The following CEP250 variants were observed in gnomAD, a reference collection of about 807,000 sequenced individuals.
CEP250 encodes the protein centrosomal protein 250, also known as centrosome-associated protein CEP250.
Under a neutral mutation model 315.7 loss-of-function variants are expected in CEP250, and 242 were observed. That is an observed-to-expected ratio of 0.77 (90% CI 0.69 to 0.85). The LOEUF (loss-of-function observed/expected upper bound fraction) is 0.85, where lower values mean the gene tolerates loss of function less well. Among genes scored for constraint, CEP250 ranks in the 40% least tolerant of loss-of-function variants. The probability of loss-of-function intolerance (pLI) is 0.00; values close to 1 mark genes in which losing one functional copy is unlikely to be tolerated. For synonymous variants in CEP250, 1,088 were observed against 1,175.0 expected (o/e 0.93, Z 1.51); for missense variants, 2,515 against 2,886.4 (o/e 0.87, Z 2.95).
chr20:35,491,467 G>T, intron 22 of CEP250, 121 bp downstream of exon 22: 1 of 1,076,798 alleles, frequency 9.3e-7, no homozygotes, highest in South Asian at 1.5e-5. Flanking sequence ...CATATGACAA[G>T]TACATAAAGG....
At chr20:35,475,706 AG>A in intron 15 of CEP250, 60 bp downstream of exon 15, 1 of 1,565,774 alleles carries the variant, frequency 6.4e-7, no homozygotes, top group Non-Finnish European at 8.7e-7. Flanking sequence ...GTTCCCATGC[AG>A]CCTGCCTCAT....
At position 35,463,493 on chromosome 20, in the gene CEP250, GCCTAAGAT is replaced by G; in HGVS notation, c.187-78_187-71del. On this transcript the variant is annotated intron_variant, in intron 4 of 34. Transcript: ENST00000397527. ...CATTTCCCCTGTTCATAGCAAGTTT[GCCTAAGAT>G]CCTCAGGGGCCTTTGCTTTGGGCTG... 4.0e-6 allele frequency: 5 copies of G among 1,243,366 alleles called. No individual in the cohort carries two copies. The South Asian group carries it at 7.7e-5, about 19-fold the overall frequency. The allele number at this position is 1,243,366 out of a possible 1,614,324, so 77.0% of individuals were successfully genotyped here.
Position 35,497,836 on chromosome 20 carries a change from T to G in CEP250, c.3424T>G (p.Leu1142Val). 6.3e-7 allele frequency: 1 copy of G among 1,579,210 alleles called. No homozygotes were observed. Among genetic ancestry groups the G allele is most frequent in the Non-Finnish European group, 8.6e-7 (1 of 1,162,378 alleles). The stretch of plus-strand genomic sequence containing the variant: ...CACGGAGCAGCAGCTGCGAGCCTCC[T>G]TGTGGGCCCAGGAAGCCAAGGCAGC... ...HITEQQLRASLWAQEAKAAQL... is the reference protein window; with the variant it reads ...HITEQQLRASVWAQEAKAAQL... The change falls in exon 26 of 35, where the codon TTG (leucine) becomes GTG (valine). Residue 1142 changes from leucine to valine, a missense_variant. Transcript: ENST00000397527.
In CEP250 at chr20:35,456,909, G is replaced by A. The variant is rs1275055610; in HGVS notation, c.-298+1158G>A. On this transcript the variant is annotated intron_variant, in intron 1 of 34. Transcript: ENST00000397527. ...CGATTCTCCCGCCTCAGCCTCCTGA[G>A]TAGCTGGGATTACAGGCGCCCGCCA... Among the ~76,000 whole-genome samples the A allele has an allele frequency of 2.6e-5, 4 of 151,756 alleles. 1 individual carries two copies. Among genetic ancestry groups the A allele is most frequent in the Admixed American group, 2.6e-4 (4 of 15,228 alleles).
chr20:35,480,686 G>A (rs569423422), intron 20 of CEP250, among the ~76,000 whole-genome samples: 58 of 149,660 alleles, frequency 3.9e-4, no homozygotes, highest in African/African-American at 1.4e-3. Flanking sequence ...TCCGCCTCCT[G>A]GGTTCAAGCG....
At chr20:35,468,023 C>T (rs1307739855) in intron 9 of CEP250, among the ~76,000 whole-genome samples, 2 of 148,650 alleles carry the variant, frequency 1.3e-5, no homozygotes, top group Non-Finnish European at 3.0e-5. Context: ...TTGCCTACTG[C>T]AACCTCTGCC....
rs1278374282 is a variant in CEP250, at chr20:35,508,032, C to T, written c.6751-3C>T. ...AGGTGAGATTCACAGGTCTTTCCCA[C>T]AGGTCTCAGGAGTGGAGGCTGAGCC... On this transcript the variant is annotated splice_region_variant and splice_polypyrimidine_tract_variant and intron_variant, in intron 31 of 34. Coordinates refer to ENST00000397527, the MANE Select transcript of CEP250 (RefSeq NM_007186.6). The T allele has an allele frequency of 6.2e-7, 1 of 1,614,174 alleles. No individual in the cohort carries two copies. The highest frequency in any genetic ancestry group is 8.5e-7 in the Non-Finnish European group (1 of 1,180,016).
upstream of CEP250, chr20:35,455,395 G>C (rs1171070544): frequency 1.3e-5 from 2 of 152,282 alleles, no homozygotes; most frequent in African/African-American, 4.8e-5. Flanking sequence ...GGGACGCGTC[G>C]TTAGGGCCCG....
chr20:35,502,667 G>T lies in CEP250; in HGVS notation c.4298G>T (p.Arg1433Ile). The T allele has an allele frequency of 5.6e-6, 9 of 1,614,276 alleles. No individual in the cohort carries two copies. Among genetic ancestry groups the T allele is most frequent in the Non-Finnish European group, 7.6e-6 (9 of 1,180,054 alleles). Residue 1433 changes from arginine to isoleucine, a missense_variant, in exon 30 of 35, where the codon AGA becomes ATA. Transcript: ENST00000397527. ...CTCCTGACCCAGACCCTAGCTGAAA[G>T]AGAAGAGGAGGTGGAGACTCTGCGG... ...LALLTQTLAE[R>I]EEEVETLRGQ...
intron 28 of CEP250, among the ~76,000 whole-genome samples, chr20:35,501,526 C>T (rs778641996): frequency 9.2e-5 from 14 of 152,066 alleles, no homozygotes; most frequent in Non-Finnish European, 2.1e-4. Context: ...GAAGGAACCT[C>T]CAGTGTCATC....
intron 24 of CEP250, among the ~76,000 whole-genome samples, chr20:35,495,630 A>G (rs2063815271): frequency 6.6e-6 from 1 of 152,198 alleles, no homozygotes; most frequent in African/African-American, 2.4e-5. Context: ...GGGTGCCTGT[A>G]ATGCCAGCTA....
intron 1 of CEP250, among the ~76,000 whole-genome samples, chr20:35,456,081 G>A (rs1212023081): frequency 1.3e-5 from 2 of 152,196 alleles, no homozygotes; most frequent in Non-Finnish European, 1.5e-5. Context: ...TTTTAGTAGA[G>A]ACGGGGTTTC....
Position 35,493,500 on chromosome 20 carries a change from C to T in CEP250, c.2961C>T (p.His987=). The T allele has an allele frequency of 6.2e-7, 1 of 1,609,898 alleles. No homozygotes were observed. Among genetic ancestry groups the T allele is most frequent in the South Asian group, 1.1e-5 (1 of 90,238 alleles). The change falls in exon 23 of 35, where the codon CAC becomes CAT. Residue 987 remains histidine, a synonymous_variant. Coordinates refer to ENST00000397527, the MANE Select transcript of CEP250 (RefSeq NM_007186.6). The stretch of plus-strand genomic sequence containing the variant: ...AGCTGAAGGAGGCAGCCCGGCAGCA[C>T]AGAGATGACCTTGCTGCCCTCCAAG... ...QRELKEAARQ[H]RDDLAALQEE...
At chr20:35,480,765 G>A (rs1018377678) in intron 20 of CEP250, among the ~76,000 whole-genome samples, 2 of 151,570 alleles carry the variant, frequency 1.3e-5, no homozygotes, top group African/African-American at 2.4e-5. Flanking sequence ...GCTAATTTTT[G>A]TATTTTTAGT....
rs936412818 is a variant in CEP250 at position 35,516,255 on chromosome 20, T to A, written c.*4629T>A. On this transcript the variant is annotated 3_prime_UTR_variant, in exon 35 of 35. Transcript: ENST00000397527. ...AGGGGGACGAGAATTCATATTCAAA[T>A]GTGATTCTTTCTTAATTACTACCAG... 1.3e-5 allele frequency: 2 copies of A among 152,246 alleles called. No homozygotes were observed. The highest frequency in any genetic ancestry group is 6.5e-5 in the Admixed American group (1 of 15,290). 9.4% of individuals were successfully genotyped at this position (152,246 alleles called of 1,614,324 possible). A position where few individuals can be genotyped will look rare whatever the true frequency, so the allele number is the denominator to read the frequency against.
upstream of CEP250, chr20:35,455,493 T>C (rs2062596529): frequency 6.6e-6 from 1 of 152,274 alleles, no homozygotes; most frequent in African/African-American, 2.4e-5. Flanking sequence ...TCGTGTCCAG[T>C]AGCCGCAATC....
At chr20:35,469,646 T>C (rs907520614) in intron 9 of CEP250, among the ~76,000 whole-genome samples, 1 of 152,228 alleles carries the variant, frequency 6.6e-6, no homozygotes, top group Non-Finnish European at 1.5e-5. Context: ...CCCAAACACG[T>C]GTTCCAGCCT....
intron 8 of CEP250, 46 bp downstream of exon 8, chr20:35,467,118 T>C: frequency 7.2e-7 from 1 of 1,383,680 alleles, no homozygotes; most frequent in Non-Finnish European, 9.9e-7. Context: ...CTACCAATTC[T>C]GGACTAATAA....
At chr20:35,467,943 C>CT (rs10649518) in intron 9 of CEP250, among the ~76,000 whole-genome samples, 3,730 of 117,750 alleles carry the variant, frequency 0.032, 312 homozygotes, top group African/African-American at 0.1. Flanking sequence ...AATATTACCT[C>CT]TTTTTTTTTT....
Sources: allele counts gnomAD v4.1 joint callset (sites outside exome capture counted in the v4.1 genomes callset), GRCh38; gene constraint gnomAD v4.1.1; transcripts MANE v1.5; gene names NCBI Gene and HGNC (gene_info 2026-07-23, HGNC 2026-07-21).